NCOR2: variants seen among roughly 807,000 people sequenced by gnomAD.
The protein encoded by NCOR2 is nuclear receptor corepressor 2, also known as CTG repeat protein 26.
A neutral mutation model predicts 262.9 loss-of-function variants in NCOR2; 81 were observed. The observed-to-expected ratio is 0.31, with a 90% CI of 0.26 to 0.37. NCOR2 has a LOEUF of 0.37. Among genes scored for constraint, NCOR2 ranks in the 10% least tolerant of loss-of-function variants. The pLI, the probability that NCOR2 is intolerant of heterozygous loss-of-function variation, is 1.00. For missense variants in NCOR2, 3,385 were observed against 3,621.4 expected (o/e 0.93, Z 1.68); for synonymous variants, 1,659 against 1,559.3 (o/e 1.06, Z -1.51).
intron 16 of NCOR2, chr12:124,388,794 G>C (rs977813915): frequency 2.3e-6 from 3 of 1,301,518 alleles, no homozygotes; most frequent in Non-Finnish European, 1.0e-6. Context: ...GGCCGCGGTC[G>C]GCTCTGCGAG....
At chr12:124,374,981 A>C (rs1168681272) in intron 18 of NCOR2, among the ~76,000 whole-genome samples, 2 of 152,218 alleles carry the variant, frequency 1.3e-5, no homozygotes, top group Non-Finnish European at 2.9e-5. Context: ...TTTTAGAAAC[A>C]ATAGCAACAG....
At chr12:124,533,218 G>A (rs531498214) in intron 1 of NCOR2, among the ~76,000 whole-genome samples, 2 of 151,584 alleles carry the variant, frequency 1.3e-5, no homozygotes, top group Admixed American at 1.3e-4. Flanking sequence ...CTAGTGGGGG[G>A]CCCCCAAAGG....
chr12:124,340,256 G>A (rs1360106931), intron 36 of NCOR2, 38 bp downstream of exon 38: 9 of 1,606,630 alleles, frequency 5.6e-6, no homozygotes, highest in Non-Finnish European at 7.6e-6. Context: ...GGCCCACAAG[G>A]AGTCCCGGAG....
chr12:124,389,149 C>T lies in NCOR2; in HGVS notation c.1877-3262G>A, dbSNP rs543846717. 7.5e-4 allele frequency among the ~76,000 whole-genome samples: 114 copies of T among 152,354 alleles called. 2 individuals are homozygous for T. Among genetic ancestry groups the T allele is most frequent in the African/African-American group, 2.6e-3 (110 of 41,584 alleles). ...CACCGGGGCGCAGCGTGCCGAGCTCCTCCAGCACCAATGTGCCCAGTGCGG... is the reference window on the plus strand; with the variant it reads ...CACCGGGGCGCAGCGTGCCGAGCTCTTCCAGCACCAATGTGCCCAGTGCGG... On this transcript the variant is annotated intron_variant, in intron 16 of 46. Coordinates refer to ENST00000405201, the Ensembl canonical transcript of NCOR2. The surrounding 1 kb of genome is among the most constrained non-coding windows in gnomAD (Gnocchi z 4.4).
intron 17 of NCOR2, among the ~76,000 whole-genome samples, chr12:124,384,928 C>T (rs916442853): frequency 6.6e-6 from 1 of 152,008 alleles, no homozygotes; most frequent in Non-Finnish European, 1.5e-5. Context: ...GATCTCATAA[C>T]TGTGGGTGCA....
At position 124,373,320 on chromosome 12, in the gene NCOR2, ATGAGG is replaced by A. The variant is rs1566411902; in HGVS notation, c.2219-715_2219-711del. 6.5e-3 allele frequency among the ~76,000 whole-genome samples: 175 copies of A among 27,090 alleles called. 21 individuals are homozygous for A. The highest frequency in any genetic ancestry group is 0.012 in the African/African-American group (144 of 11,672). 17.8% of individuals were successfully genotyped at this position (27,090 alleles called of 152,430 possible). On this transcript the variant is annotated intron_variant, in intron 19 of 46. Transcript: ENST00000405201. ...AGGGGCCCGGGCACAGTGGACAATC[ATGAGG>A]CCAGTGCGTGTGCAGGGGCCCCGGG...
chr12:124,475,185 G>C (rs1365678011), intron 3 of NCOR2, among the ~76,000 whole-genome samples: 1 of 152,028 alleles, frequency 6.6e-6, no homozygotes, highest in Non-Finnish European at 1.5e-5. Context: ...CCACACACAC[G>C]GACTCCTCGA....
intron 11 of NCOR2, 97 bp downstream of exon 13, chr12:124,426,525 G>C: frequency 3.2e-6 from 4 of 1,230,836 alleles, no homozygotes; most frequent in Non-Finnish European, 4.4e-6. Flanking sequence ...AGCACCCCCC[G>C]GCATGCTCAT....
At chr12:124,534,605 G>A (rs1409590230) in intron 1 of NCOR2, among the ~76,000 whole-genome samples, 4 of 152,210 alleles carry the variant, frequency 2.6e-5, no homozygotes, top group Non-Finnish European at 4.4e-5. Flanking sequence ...GCCAGAACAC[G>A]CTGTGTGCCC....
chr12:124,391,867 C>T (rs1440169764), intron 16 of NCOR2, among the ~76,000 whole-genome samples: 1 of 152,242 alleles, frequency 6.6e-6, no homozygotes, highest in Admixed American at 6.5e-5. Context: ...GGAAGTGCCA[C>T]GTTACACCTT....
chr12:124,496,532 G>A (rs2048391246), upstream of NCOR2, among the ~76,000 whole-genome samples: 1 of 152,076 alleles, frequency 6.6e-6, no homozygotes, highest in Non-Finnish European at 1.5e-5. This position sits in a 1 kb window ranked among gnomAD's most constrained non-coding sequence, Gnocchi z 4.4. Flanking sequence ...GGGGTCAGGA[G>A]GGGAAACAGA....
chr12:124,457,243 C>T lies in NCOR2; in HGVS notation c.706-81G>A, dbSNP rs1188486240. 2.8e-5 allele frequency: 40 copies of T among 1,412,472 alleles called. No individual in the cohort carries two copies. Among genetic ancestry groups the T allele is most frequent in the Non-Finnish European group, 3.6e-5 (38 of 1,066,024 alleles). 87.5% of individuals were successfully genotyped at this position (1,412,472 alleles called of 1,614,324 possible). A position where few individuals can be genotyped will look rare whatever the true frequency, so the allele number is the denominator to read the frequency against. ...TATAAATAGAGGCTTCCCGGAGCAG[C>T]GGGCACCTGCCCAGCCCAGTCCAGC... On this transcript the variant is annotated intron_variant, in intron 5 of 46. Transcript: ENST00000405201. The surrounding 1 kb of genome is among the most constrained non-coding windows in gnomAD (Gnocchi z 4.0).
intron 1 of NCOR2, chr12:124,561,765 C>T (rs970284343): frequency 6.6e-6 from 1 of 152,412 alleles, no homozygotes; most frequent in Admixed American, 6.5e-5. Flanking sequence ...CCTAGAATCA[C>T]AGTGCTTTGG....
chr12:124,546,972 T>C (rs1395382177), intron 1 of NCOR2, among the ~76,000 whole-genome samples: 1 of 152,116 alleles, frequency 6.6e-6, no homozygotes, highest in Non-Finnish European at 1.5e-5. Flanking sequence ...GTTAACATTG[T>C]CTTTTTATAA....
At chr12:124,370,390 C>T (rs1593250914) in intron 20 of NCOR2, among the ~76,000 whole-genome samples, 1 of 152,292 alleles carries the variant, frequency 6.6e-6, no homozygotes, top group East Asian at 1.9e-4. Context: ...AGGGAATGTC[C>T]TAGGACTTCC....
At chr12:124,375,576 G>T (rs2039926357) in intron 18 of NCOR2, among the ~76,000 whole-genome samples, 1 of 152,180 alleles carries the variant, frequency 6.6e-6, no homozygotes, top group Non-Finnish European at 1.5e-5. Context: ...TGCTTAACAA[G>T]AGTGACCAAA....
chr12:124,333,264 G>A (rs1240837429), exon 42 of NCOR2: 1 of 1,608,816 alleles, frequency 6.2e-7, no homozygotes. Flanking sequence ...CCGACGTCTT[G>A]TTTGGCTCTG....
upstream of NCOR2, among the ~76,000 whole-genome samples, chr12:124,497,501 C>A (rs2048439525): frequency 6.6e-6 from 1 of 152,218 alleles, no homozygotes; most frequent in Non-Finnish European, 1.5e-5. This position sits in a 1 kb window ranked among gnomAD's most constrained non-coding sequence, Gnocchi z 4.2. Context: ...AGCCGTCTAG[C>A]CCCGGGCCTG....
chr12:124,412,477 C>A (rs1179749080), intron 13 of NCOR2, among the ~76,000 whole-genome samples: 1 of 152,256 alleles, frequency 6.6e-6, no homozygotes, highest in Non-Finnish European at 1.5e-5. Context: ...CTGGCCAGAC[C>A]TCCCTTCTAG....
Sources: allele counts gnomAD v4.1 joint callset (sites outside exome capture counted in the v4.1 genomes callset), GRCh38; gene constraint gnomAD v4.1.1; non-coding constraint Gnocchi (gnomAD v3.1); transcripts MANE v1.5; gene names NCBI Gene and HGNC (gene_info 2026-07-23, HGNC 2026-07-21).